Variants in NBAS observed in about 807,000 individuals in gnomAD.
The protein encoded by NBAS is NBAS subunit of NRZ tethering complex.
A neutral mutation model predicts 302.5 loss-of-function variants in NBAS; 219 were observed. The ratio of observed to expected loss-of-function variants is 0.72; its 90% CI spans 0.65 to 0.81. The LOEUF is 0.81. Ranked by LOEUF, NBAS falls within the 30% of genes least tolerant of loss-of-function variation. The pLI is 0.00. For missense variants in NBAS, 2,932 were observed against 2,841.6 expected, an observed-to-expected ratio of 1.03 and a Z score of -0.72; for synonymous variants, 1,118 against 1,021.6, an observed-to-expected ratio of 1.09 and a Z score of -1.80.
the NBAS span, among the ~76,000 whole-genome samples, chr2:15,008,126 A>G: frequency 6.6e-6 from 1 of 152,174 alleles, no homozygotes; most frequent in Non-Finnish European, 1.5e-5. Context: ...TGTCACTCTC[A>G]ACAGCAATGA....
At chr2:15,494,037 G>A (rs980061782) in intron 11 of NBAS, among the ~76,000 whole-genome samples, 1 of 152,066 alleles carries the variant, frequency 6.6e-6, no homozygotes, top group Non-Finnish European at 1.5e-5. Flanking sequence ...TGTTGGCCAA[G>A]CTGGTTCAAC....
At chr2:15,305,353 A>G (rs977165751) in intron 40 of NBAS, among the ~76,000 whole-genome samples, 6 of 151,068 alleles carry the variant, frequency 4.0e-5, no homozygotes, top group Non-Finnish European at 7.4e-5. Flanking sequence ...ACCTTCCTCC[A>G]TGATTGTAAG....
the NBAS span, among the ~76,000 whole-genome samples, chr2:14,917,638 C>T: frequency 6.6e-6 from 1 of 152,192 alleles, no homozygotes; most frequent in African/African-American, 2.4e-5. Context: ...GGCTTTCATG[C>T]ATGGTTATAT....
the NBAS span, among the ~76,000 whole-genome samples, chr2:14,970,832 C>A: frequency 6.6e-6 from 1 of 152,176 alleles, no homozygotes; most frequent in African/African-American, 2.4e-5. Flanking sequence ...TTTAGTAAAG[C>A]CTTGTCCAGC....
chr2:14,944,745 A>G, the NBAS span, among the ~76,000 whole-genome samples: 3 of 152,184 alleles, frequency 2.0e-5, no homozygotes, highest in Non-Finnish European at 2.9e-5. Context: ...AGAAAAAAAA[A>G]AAACTCTGAA....
At chr2:14,800,364 C>T in the NBAS span, among the ~76,000 whole-genome samples, 1 of 152,138 alleles carries the variant, frequency 6.6e-6, no homozygotes, top group East Asian at 1.9e-4. Flanking sequence ...TGCCTGCTGC[C>T]ATCCACTCAA....
intron 41 of NBAS, among the ~76,000 whole-genome samples, chr2:15,290,404 T>C (rs1273474075): frequency 6.6e-6 from 1 of 152,200 alleles, no homozygotes; most frequent in African/African-American, 2.4e-5. Context: ...CAAAAGCATA[T>C]ATTTGTCCTC....
chr2:14,971,312 C>T, the NBAS span, among the ~76,000 whole-genome samples: 3 of 151,956 alleles, frequency 2.0e-5, no homozygotes, highest in African/African-American at 4.8e-5. Context: ...GTCAGGAGTT[C>T]GAGACCAGCC....
intron 25 of NBAS, among the ~76,000 whole-genome samples, chr2:15,404,615 C>T (rs985365951): frequency 6.6e-6 from 1 of 151,626 alleles, no homozygotes. Flanking sequence ...CAGGTCCAAG[C>T]GATTCTCCTG....
chr2:15,358,080 T>A (rs1043147341), intron 32 of NBAS, among the ~76,000 whole-genome samples: 2 of 152,144 alleles, frequency 1.3e-5, no homozygotes, highest in African/African-American at 4.8e-5. Context: ...GGCCTGTTGC[T>A]ACCAGCCAGA....
At chr2:14,794,251 G>A in the NBAS span, among the ~76,000 whole-genome samples, 17 of 152,090 alleles carry the variant, frequency 1.1e-4, no homozygotes, top group African/African-American at 4.1e-4. Context: ...TCCGCTGGGC[G>A]CGCATCCTTA....
chr2:14,957,825 G>A, the NBAS span, among the ~76,000 whole-genome samples: 1 of 152,178 alleles, frequency 6.6e-6, no homozygotes, highest in African/African-American at 2.4e-5. Flanking sequence ...CATTTGCTGA[G>A]TGCCAACTCA....
chr2:14,947,310 T>A, the NBAS span, among the ~76,000 whole-genome samples: 1 of 151,398 alleles, frequency 6.6e-6, no homozygotes, highest in African/African-American at 2.4e-5. Flanking sequence ...CCCAAATACA[T>A]AAAATTAAAA....
intron 27 of NBAS, 66 bp downstream of exon 27, chr2:15,396,347 G>C: frequency 7.6e-7 from 1 of 1,314,250 alleles, no homozygotes; most frequent in African/African-American, 1.5e-5. Flanking sequence ...CAGACTTAAT[G>C]TGACATTTCT....
At chr2:15,451,451 A>G (rs1220555626) in intron 21 of NBAS, among the ~76,000 whole-genome samples, 2 of 152,184 alleles carry the variant, frequency 1.3e-5, no homozygotes, top group East Asian at 3.9e-4. Context: ...AACTAATATA[A>G]TCATCAAAAT....
chr2:15,053,168 G>A, the NBAS span, among the ~76,000 whole-genome samples: 1 of 152,184 alleles, frequency 6.6e-6, no homozygotes, highest in South Asian at 2.1e-4. Context: ...TGATTAAAAT[G>A]TTTAGATATT....
the NBAS span, among the ~76,000 whole-genome samples, chr2:14,909,074 C>T: frequency 6.6e-6 from 1 of 151,930 alleles, no homozygotes; most frequent in Non-Finnish European, 1.5e-5. Context: ...GGCTTACGCT[C>T]GTAATCCCAG....
the NBAS span, among the ~76,000 whole-genome samples, chr2:14,904,492 C>T: frequency 1.3e-5 from 2 of 152,140 alleles, no homozygotes; most frequent in Non-Finnish European, 2.9e-5. Context: ...CGGCTTATCC[C>T]ACCTTCTTCC....
chr2:15,245,104 G>A (rs1003996820), intron 44 of NBAS, among the ~76,000 whole-genome samples: 1 of 152,074 alleles, frequency 6.6e-6, no homozygotes, highest in African/African-American at 2.4e-5. Flanking sequence ...GCAGCACGAT[G>A]GTATCTTAAA....
Sources: allele counts gnomAD v4.1 joint callset (sites outside exome capture counted in the v4.1 genomes callset), GRCh38; gene constraint gnomAD v4.1.1; transcripts MANE v1.5; gene names NCBI Gene and HGNC (gene_info 2026-07-23, HGNC 2026-07-21).